The following SIL1 variants were observed in gnomAD, a reference collection of about 807,000 sequenced individuals.
SIL1 encodes nucleotide exchange factor SIL1.
A neutral mutation model predicts 49.1 loss-of-function variants in SIL1; 40 were observed. The observed-to-expected ratio is 0.81, with a 90% CI of 0.63 to 1.06. The LOEUF is 1.06. Ranked by LOEUF, SIL1 falls within the 50% of genes least tolerant of loss-of-function variation. The probability of loss-of-function intolerance (pLI) is 0.00; values close to 1 mark genes in which losing one functional copy is unlikely to be tolerated. For missense variants in SIL1, 500 were observed against 572.6 expected, an observed-to-expected ratio of 0.87 and a Z score of 1.29; for synonymous variants, 253 against 250.8, an observed-to-expected ratio of 1.01 and a Z score of -0.08.
intron 1 of SIL1, among the ~76,000 whole-genome samples, chr5:139,154,460 T>C (rs1751369404): frequency 1.3e-5 from 2 of 152,232 alleles, no homozygotes; most frequent in South Asian, 4.1e-4. Context: ...CATGTGCTCA[T>C]TTAATCAACA....
intron 1 of SIL1, among the ~76,000 whole-genome samples, chr5:139,170,009 G>A (rs907838974): frequency 6.6e-6 from 1 of 152,244 alleles, no homozygotes; most frequent in African/African-American, 2.4e-5. Context: ...TGCGATTACA[G>A]GCGCGTGCTG....
intron 7 of SIL1, among the ~76,000 whole-genome samples, chr5:138,983,433 G>C (rs1446910188): frequency 6.6e-6 from 1 of 151,034 alleles, no homozygotes; most frequent in African/African-American, 2.4e-5. Context: ...GCGTGAACCC[G>C]GGCGGAGGAG....
At chr5:138,950,890 G>C (rs1179885466) in intron 9 of SIL1, among the ~76,000 whole-genome samples, 2 of 152,192 alleles carry the variant, frequency 1.3e-5, no homozygotes, top group Non-Finnish European at 2.9e-5. Context: ...TCCAAGGCTT[G>C]CCTCATACTG....
Position 138,946,922 on chromosome 5 carries a change from A to G in SIL1, c.*195T>C, listed in dbSNP as rs139922993. The G allele has an allele frequency of 1.1e-5, 7 of 622,136 alleles. No individual in the cohort carries two copies. The highest frequency in any genetic ancestry group is 2.4e-5 in the Admixed American group (1 of 42,166). The allele number at this position is 622,136 out of a possible 1,614,324, so 38.5% of individuals were successfully genotyped here. A position where few individuals can be genotyped will look rare whatever the true frequency, so the allele number is the denominator to read the frequency against. Reference sequence around the variant, plus strand: ...GCACGTCAGCAGAGCCCATCACCCAACCACTCACCTGACCCCCCGGCCACA... The same window carrying G: ...GCACGTCAGCAGAGCCCATCACCCAGCCACTCACCTGACCCCCCGGCCACA... On this transcript the variant is annotated 3_prime_UTR_variant, in exon 10 of 10. Coordinates refer to ENST00000394817, the MANE Select transcript of SIL1 (RefSeq NM_022464.5).
Position 138,947,503 on chromosome 5 carries a change from AGGGT to A in SIL1, c.1030-34_1030-31del, listed in dbSNP as rs769696441. 1.9e-5 allele frequency: 28 copies of A among 1,476,256 alleles called. 2 individuals are homozygous for A. The South Asian group carries it at 2.8e-4, about 15-fold the overall frequency. The allele number at this position is 1,476,256 out of a possible 1,614,324, so 91.4% of individuals were successfully genotyped here. A position where few individuals can be genotyped will look rare whatever the true frequency, so the allele number is the denominator to read the frequency against. ...CATCCGCCACAGCCGCAGGCCAGGTAGGGTGGGGGTGGGGAGAGAACACACAGGG... is the reference window on the plus strand; with the variant it reads ...CATCCGCCACAGCCGCAGGCCAGGTAGGGGGTGGGGAGAGAACACACAGGG... On this transcript the variant is annotated intron_variant, in intron 9 of 9. Transcript: ENST00000394817. This position sits in a 1 kb window ranked among gnomAD's most constrained non-coding sequence, Gnocchi z 4.1.
chr5:138,957,667 T>C (rs1766930873), intron 7 of SIL1, among the ~76,000 whole-genome samples: 1 of 152,170 alleles, frequency 6.6e-6, no homozygotes, highest in African/African-American at 2.4e-5. Flanking sequence ...ATTGTGGACA[T>C]TTACCACAAT....
At chr5:139,193,130 T>C (rs994623305) in intron 1 of SIL1, among the ~76,000 whole-genome samples, 2 of 151,962 alleles carry the variant, frequency 1.3e-5, no homozygotes, top group African/African-American at 4.8e-5. Context: ...GACCATGCAT[T>C]CTCAGTGAGT....
At chr5:139,184,478 G>A (rs1366775509) in intron 1 of SIL1, among the ~76,000 whole-genome samples, 1 of 152,032 alleles carries the variant, frequency 6.6e-6, no homozygotes, top group Non-Finnish European at 1.5e-5. Context: ...TTCAAGACCA[G>A]CCTCGGAAAC....
At chr5:138,984,545 G>C (rs1274365123) in intron 7 of SIL1, among the ~76,000 whole-genome samples, 2 of 152,052 alleles carry the variant, frequency 1.3e-5, no homozygotes, top group African/African-American at 4.8e-5. Flanking sequence ...TTTTAGTAGA[G>C]ATTGGGTTTT....
At chr5:139,055,476 T>G (rs996077734) in intron 3 of SIL1, among the ~76,000 whole-genome samples, 1 of 152,142 alleles carries the variant, frequency 6.6e-6, no homozygotes, top group Non-Finnish European at 1.5e-5. Flanking sequence ...TGGATTTTGC[T>G]TATCACATGC....
chr5:139,056,290 C>T (rs1193560100), intron 3 of SIL1, among the ~76,000 whole-genome samples: 6 of 151,416 alleles, frequency 4.0e-5, no homozygotes, highest in African/African-American at 1.5e-4. Context: ...GGCCGCCCAT[C>T]GTCTGAGATG....
intron 7 of SIL1, among the ~76,000 whole-genome samples, chr5:138,957,945 G>A (rs552982175): frequency 8.6e-5 from 13 of 150,594 alleles, no homozygotes; most frequent in African/African-American, 3.2e-4. Flanking sequence ...TTGTAGATGG[G>A]GGTTCTCACG....
intron 3 of SIL1, among the ~76,000 whole-genome samples, chr5:139,061,963 A>T (rs144068189): frequency 1.1e-4 from 17 of 152,244 alleles, no homozygotes; most frequent in African/African-American, 3.9e-4. Context: ...AATGCCACTC[A>T]CCTCGCTGGG....
intron 1 of SIL1, among the ~76,000 whole-genome samples, chr5:139,170,888 C>T (rs1176928631): frequency 1.3e-5 from 2 of 150,362 alleles, no homozygotes; most frequent in Admixed American, 6.6e-5. Context: ...TCTGCCCAGC[C>T]GCCCCTACTG....
intron 3 of SIL1, among the ~76,000 whole-genome samples, chr5:139,057,260 T>A (rs1446983643): frequency 7.2e-6 from 1 of 138,964 alleles, no homozygotes. Flanking sequence ...CCTCCACTAT[T>A]GTCCTATGAC....
At chr5:139,145,358 C>A (rs1161973217) in intron 1 of SIL1, among the ~76,000 whole-genome samples, 1 of 152,120 alleles carries the variant, frequency 6.6e-6, no homozygotes, top group Non-Finnish European at 1.5e-5. Context: ...GAAACTGGAA[C>A]CCTCATACAT....
chr5:139,152,100 C>A (rs1751311231), intron 1 of SIL1, among the ~76,000 whole-genome samples: 1 of 152,182 alleles, frequency 6.6e-6, no homozygotes, highest in Non-Finnish European at 1.5e-5. Context: ...GGAGCAGCAG[C>A]CCTGAACACC....
chr5:139,044,326 T>C (rs1296677946), intron 4 of SIL1, among the ~76,000 whole-genome samples: 1 of 152,092 alleles, frequency 6.6e-6, no homozygotes, highest in Non-Finnish European at 1.5e-5. Context: ...TCAGGAACCA[T>C]AGCTTGAACA....
intron 1 of SIL1, among the ~76,000 whole-genome samples, chr5:139,139,821 T>C (rs1479844166): frequency 3.3e-5 from 5 of 150,982 alleles, no homozygotes; most frequent in African/African-American, 7.3e-5. Flanking sequence ...ACCTCATCTC[T>C]ACTAAAAAAT....
Sources: gnomAD v4.1 joint callset for allele counts (sites outside exome capture counted in the v4.1 genomes callset) on GRCh38, gnomAD v4.1.1 for gene constraint, Gnocchi (gnomAD v3.1) non-coding constraint, MANE v1.5 for transcripts, NCBI Gene and HGNC (gene_info 2026-07-23, HGNC 2026-07-21) for gene names.